The following HIP1 variants were observed in gnomAD, a reference collection of about 807,000 sequenced individuals.
The protein encoded by HIP1 is huntingtin interacting protein 1.
A neutral mutation model predicts 147.6 loss-of-function variants in HIP1; 65 were observed. The observed-to-expected ratio is 0.44, with a 90% CI of 0.36 to 0.54. The LOEUF (loss-of-function observed/expected upper bound fraction) is 0.54, where lower values mean the gene tolerates loss of function less well. Ranked by LOEUF, HIP1 falls within the 20% of genes least tolerant of loss-of-function variation. The pLI is 0.00. For synonymous variants in HIP1, 479 were observed against 504.0 expected (o/e 0.95, Z 0.67); for missense variants, 1,061 against 1,299.6 (o/e 0.82, Z 2.82).
chr7:75,542,815 G>A (rs1794386082), intron 28 of HIP1, 36 bp downstream of exon 28: 2 of 1,610,786 alleles, frequency 1.2e-6, no homozygotes, highest in East Asian at 2.2e-5. Flanking sequence ...GAGCTCAACA[G>A]GGTGGGTAAG....
At chr7:75,558,078 T>C in intron 15 of HIP1, 89 bp downstream of exon 15, 1 of 1,015,058 alleles carries the variant, frequency 9.9e-7, no homozygotes, top group Non-Finnish European at 1.6e-6. Context: ...ATGTAGGGGT[T>C]GCTGGCCCCG....
chr7:75,541,672 G>C (rs1230013171), intron 29 of HIP1, among the ~76,000 whole-genome samples: 1 of 151,764 alleles, frequency 6.6e-6, no homozygotes, highest in Non-Finnish European at 1.5e-5. Flanking sequence ...CTCCAGTCTG[G>C]GCGACAGGAC....
intron 1 of HIP1, among the ~76,000 whole-genome samples, chr7:75,670,786 C>CTTTTTTTTTTTTTTTTTT (rs782710876): frequency 8.1e-5 from 10 of 122,848 alleles, no homozygotes; most frequent in Non-Finnish European, 9.8e-5. Context: ...CTAATTAAAA[C>CTTTTTTTTTTTTTTTTTT]TTTTTTTTTT....
At chr7:75,668,481 C>T (rs1208361605) in intron 1 of HIP1, among the ~76,000 whole-genome samples, 1 of 152,120 alleles carries the variant, frequency 6.6e-6, no homozygotes, top group Non-Finnish European at 1.5e-5. Flanking sequence ...GCCGCCAGCA[C>T]ACCGGGCTAA....
At chr7:75,650,803 C>T (rs1181604021) in intron 1 of HIP1, among the ~76,000 whole-genome samples, 1 of 152,084 alleles carries the variant, frequency 6.6e-6, no homozygotes, top group East Asian at 1.9e-4. Context: ...AGCTCAGAGT[C>T]GCCTGTAGTG....
intron 2 of HIP1, among the ~76,000 whole-genome samples, chr7:75,598,345 C>T (rs28697945): frequency 0.012 from 1,729 of 150,010 alleles, 29 homozygotes; most frequent in African/African-American, 0.04. Context: ...TACAGTGAGC[C>T]GAGAACATGC....
At chr7:75,721,894 T>C (rs1172146733) in intron 1 of HIP1, among the ~76,000 whole-genome samples, 1 of 152,202 alleles carries the variant, frequency 6.6e-6, no homozygotes, top group East Asian at 1.9e-4. Flanking sequence ...ATGTGCAAGC[T>C]AAGAATCAGG....
intron 1 of HIP1, among the ~76,000 whole-genome samples, chr7:75,685,467 T>C (rs1800228196): frequency 6.6e-6 from 1 of 152,258 alleles, no homozygotes; most frequent in Non-Finnish European, 1.5e-5. Flanking sequence ...ACTGATGTCT[T>C]TGCCCACTTT....
chr7:75,623,784 A>G (rs2117101521), intron 1 of HIP1, among the ~76,000 whole-genome samples: 1 of 152,134 alleles, frequency 6.6e-6, no homozygotes, highest in South Asian at 2.1e-4. Flanking sequence ...AAAGTGTTTG[A>G]GGCTGGGCAC....
intron 9 of HIP1, among the ~76,000 whole-genome samples, chr7:75,566,705 G>A (rs1041050540): frequency 2.3e-4 from 35 of 151,362 alleles, no homozygotes; most frequent in Non-Finnish European, 3.1e-4. Context: ...CACCTCAGAA[G>A]CAGGTCATAT....
intron 1 of HIP1, among the ~76,000 whole-genome samples, chr7:75,727,342 C>T (rs1338548344): frequency 6.6e-6 from 1 of 151,756 alleles, no homozygotes; most frequent in Non-Finnish European, 1.5e-5. Flanking sequence ...GGGATCCGCC[C>T]ACCTCAGCCT....
intron 1 of HIP1, among the ~76,000 whole-genome samples, chr7:75,693,919 C>CTTTTTTTTTTTTTTTT (rs10628011): frequency 8.7e-6 from 1 of 114,876 alleles, no homozygotes; most frequent in African/African-American, 3.5e-5. Context: ...ATTCTCTTTT[C>CTTTTTTTTTTTTTTTT]TTTTTTTTTT....
intron 1 of HIP1, among the ~76,000 whole-genome samples, chr7:75,656,392 T>A (rs1554512635): frequency 6.7e-6 from 1 of 149,942 alleles, no homozygotes; most frequent in Non-Finnish European, 1.5e-5. Flanking sequence ...CATCCTAGCT[T>A]GCGTAAGGAG....
At chr7:75,653,261 C>T (rs782327829) in intron 1 of HIP1, among the ~76,000 whole-genome samples, 6 of 152,050 alleles carry the variant, frequency 3.9e-5, no homozygotes, top group Non-Finnish European at 8.8e-5. Context: ...GAGATGTGTC[C>T]ACGACTGTCA....
rs2116796455 is a variant in HIP1 at position 75,553,476 on chromosome 7, T to C, written c.2272A>G (p.Ser758Gly). Reference protein sequence around the residue: ...ADSTAMRNCLSKIKAIGEELL... With the variant: ...ADSTAMRNCLGKIKAIGEELL... ...ACCTCGCCGATGGCCTTGATCTTGC[T>C]CAGGCAGTTCCTCATGGCTGTGCTG... Residue 758 changes from serine to glycine, a missense_variant, in exon 22 of 31, where the codon AGC becomes GGC. Physicochemically the swap from Ser to Gly is moderately conservative, Grantham distance 56 (BLOSUM62 0). This residue lies in a region of HIP1 where 810 missense variants were observed against 946.8 expected (regional missense o/e 0.86). Transcript: ENST00000336926. The C allele has an allele frequency of 6.2e-7, 1 of 1,614,182 alleles. No individual in the cohort carries two copies. The highest frequency in any genetic ancestry group is 8.5e-7 in the Non-Finnish European group (1 of 1,180,026).
chr7:75,657,030 G>A (rs1473310479), intron 1 of HIP1, among the ~76,000 whole-genome samples: 1 of 152,210 alleles, frequency 6.6e-6, no homozygotes, highest in Non-Finnish European at 1.5e-5. Flanking sequence ...TCCAGCAATA[G>A]TAGAAAGTTG....
At chr7:75,584,537 A>G (rs1180348846) in intron 5 of HIP1, among the ~76,000 whole-genome samples, 1 of 152,170 alleles carries the variant, frequency 6.6e-6, no homozygotes, top group Non-Finnish European at 1.5e-5. Flanking sequence ...AGCCAGCTGC[A>G]TCCTCTTCGA....
chr7:75,539,496 T>A lies in HIP1; in HGVS notation c.2953-65A>T, dbSNP rs1389704857. 3.8e-6 allele frequency: 5 copies of A among 1,329,388 alleles called. No homozygotes were observed. In the Admixed American group the frequency reaches 5.4e-5, roughly 14 times the overall value. The allele number at this position is 1,329,388 out of a possible 1,614,324, so 82.3% of individuals were successfully genotyped here. A position where few individuals can be genotyped will look rare whatever the true frequency, so the allele number is the denominator to read the frequency against. ...CTCAGAGATTTAATTTTTATTTATT[T>A]TTTTATAGAGATGGGGTCTTGTTCT... On this transcript the variant is annotated intron_variant, in intron 29 of 30. Coordinates refer to ENST00000336926, the MANE Select transcript of HIP1 (RefSeq NM_005338.7).
At chr7:75,618,442 C>T (rs1221691186) in intron 1 of HIP1, among the ~76,000 whole-genome samples, 1 of 152,062 alleles carries the variant, frequency 6.6e-6, no homozygotes, top group Non-Finnish European at 1.5e-5. Context: ...TGAGCTACCA[C>T]ACGTGGCTAA....
Sources: allele counts gnomAD v4.1 joint callset (sites outside exome capture counted in the v4.1 genomes callset), GRCh38; gene constraint gnomAD v4.1.1; regional missense constraint gnomAD v4.1.1; transcripts MANE v1.5; gene names NCBI Gene and HGNC (gene_info 2026-07-23, HGNC 2026-07-21).